CTNNA2: variants seen among roughly 807,000 people sequenced by gnomAD.
CTNNA2 encodes the protein catenin alpha-2.
In CTNNA2, 42 loss-of-function variants were observed where a neutral mutation model predicts 101.0. The observed-to-expected ratio is 0.42, with a 90% confidence interval of 0.32 to 0.54. The LOEUF (loss-of-function observed/expected upper bound fraction) is 0.54, where lower values mean the gene tolerates loss of function less well. CTNNA2 is among the 20% of genes least tolerant of loss of function. CTNNA2 has a pLI of 0.14. For missense variants in CTNNA2, 871 were observed against 1,223.1 expected, an observed-to-expected ratio of 0.71 and a Z score of 4.29; for synonymous variants, 450 against 456.4, an observed-to-expected ratio of 0.99 and a Z score of 0.18.
chr2:79,958,480 AG>A (rs1689398107), intron 7 of CTNNA2, among the ~76,000 whole-genome samples: 1 of 152,138 alleles, frequency 6.6e-6, no homozygotes, highest in African/African-American at 2.4e-5. Flanking sequence ...ATGCCATATG[AG>A]AGCTCAACTT....
At chr2:79,714,060 C>T (rs996103563) in intron 2 of CTNNA2, among the ~76,000 whole-genome samples, 5 of 152,126 alleles carry the variant, frequency 3.3e-5, no homozygotes, top group African/African-American at 1.2e-4. Context: ...TGTCCCTCCA[C>T]CTGGTGCCTT....
chr2:80,450,137 T>C (rs1271988808), intron 9 of CTNNA2, among the ~76,000 whole-genome samples: 1 of 152,224 alleles, frequency 6.6e-6, no homozygotes, highest in Non-Finnish European at 1.5e-5. Context: ...TACAGAACAC[T>C]AGTTCTTAAG....
chr2:80,108,010 A>G (rs376063712), intron 7 of CTNNA2, among the ~76,000 whole-genome samples: 15 of 152,284 alleles, frequency 9.9e-5, no homozygotes, highest in East Asian at 3.9e-4. Context: ...TAGCGGGCCC[A>G]GTGCCTTTCC....
chr2:79,908,139 T>A (rs1685548265), intron 6 of CTNNA2, among the ~76,000 whole-genome samples: 1 of 152,132 alleles, frequency 6.6e-6, no homozygotes, highest in African/African-American at 2.4e-5. Context: ...GCATAAAAAA[T>A]CCATAAAAGC....
intron 3 of CTNNA2, among the ~76,000 whole-genome samples, chr2:79,345,892 G>T (rs1187254726): frequency 1.3e-5 from 2 of 149,746 alleles, no homozygotes; most frequent in East Asian, 3.9e-4. Context: ...ACAGATGGGG[G>T]TCTCACCATT....
intron 7 of CTNNA2, among the ~76,000 whole-genome samples, chr2:80,354,214 CAG>C (rs1673568848): frequency 1.3e-5 from 2 of 151,936 alleles, no homozygotes; most frequent in Admixed American, 1.3e-4. Flanking sequence ...ACAAATAAGA[CAG>C]AAATTAAAAT....
intron 3 of CTNNA2, among the ~76,000 whole-genome samples, chr2:79,790,321 G>A (rs1675172669): frequency 6.6e-6 from 1 of 152,152 alleles, no homozygotes; most frequent in African/African-American, 2.4e-5. Context: ...TAGAGAGAGG[G>A]AGGAGTTGAC....
chr2:79,975,821 A>C (rs914688629), intron 7 of CTNNA2, among the ~76,000 whole-genome samples: 1 of 152,212 alleles, frequency 6.6e-6, no homozygotes, highest in South Asian at 2.1e-4. Flanking sequence ...CAAGGAAGCT[A>C]CACAAGTTCA....
At chr2:80,073,855 T>C (rs1397487205) in intron 7 of CTNNA2, among the ~76,000 whole-genome samples, 5 of 152,130 alleles carry the variant, frequency 3.3e-5, no homozygotes, top group Non-Finnish European at 7.4e-5. Context: ...CATTACAGAT[T>C]CTTCTGAAAC....
intron 7 of CTNNA2, among the ~76,000 whole-genome samples, chr2:80,309,844 G>A (rs1004487710): frequency 1.9e-4 from 27 of 143,420 alleles, no homozygotes; most frequent in African/African-American, 6.0e-4. Context: ...ACAGGCGCCC[G>A]CCACCACACC....
intron 4 of CTNNA2, among the ~76,000 whole-genome samples, chr2:79,381,057 C>G (rs922190730): frequency 2.0e-5 from 3 of 152,064 alleles, no homozygotes; most frequent in African/African-American, 4.8e-5. Context: ...TAGAATTTTT[C>G]GGGGACAGAT....
chr2:80,029,728 T>C (rs576100664), intron 7 of CTNNA2, among the ~76,000 whole-genome samples: 98 of 151,978 alleles, frequency 6.4e-4, no homozygotes, highest in Admixed American at 1.6e-3. Flanking sequence ...ATCTGCATTA[T>C]GTGGTAGAGG....
rs79824419 is a variant in CTNNA2 at position 79,732,109 on chromosome 2, A to G, written c.103-12278A>G. Among the ~76,000 whole-genome samples the G allele has an allele frequency of 2.3e-3, 344 of 152,200 alleles. 3 individuals carry two copies. Among genetic ancestry groups the G allele is most frequent in the African/African-American group, 7.8e-3 (326 of 41,568 alleles). ...ACTAAAGCCATTAACTGACTGTTTGAAATTTCATTCTCAATAATTCTTTTT... is the reference window on the plus strand; with the variant it reads ...ACTAAAGCCATTAACTGACTGTTTGGAATTTCATTCTCAATAATTCTTTTT... On this transcript the variant is annotated intron_variant, in intron 2 of 18. Transcript: ENST00000402739.
In CTNNA2 at chr2:79,242,368, A is replaced by T. The variant is rs144425804; in HGVS notation, c.-406+44292A>T. Among the ~76,000 whole-genome samples, 100 of 152,104 alleles carry T rather than the reference A, an allele frequency of 6.6e-4. 3 individuals carry two copies. In the East Asian group the frequency reaches 0.013, roughly 19 times the overall value. On this transcript the variant is annotated intron_variant, in intron 2 of 21. Transcript: ENST00000466387. ...AAATACTAATTTTTTTGTTTGTTGC[A>T]TCTAATAACTCTTCTTCATGGAGGT...
intron 7 of CTNNA2, among the ~76,000 whole-genome samples, chr2:80,136,499 C>G (rs974787205): frequency 5.3e-5 from 8 of 152,172 alleles, no homozygotes; most frequent in Admixed American, 2.6e-4. Flanking sequence ...TGACCTCTTT[C>G]TTATGCAGTT....
intron 2 of CTNNA2, among the ~76,000 whole-genome samples, chr2:79,208,600 C>T (rs1192851614): frequency 6.6e-6 from 1 of 152,150 alleles, no homozygotes; most frequent in Non-Finnish European, 1.5e-5. Flanking sequence ...GGTGTAATTG[C>T]TCTTCTAAGT....
chr2:80,212,356 G>T (rs1268727968), intron 7 of CTNNA2, among the ~76,000 whole-genome samples: 1 of 152,126 alleles, frequency 6.6e-6, no homozygotes, highest in Non-Finnish European at 1.5e-5. Flanking sequence ...GTGTGGGTTT[G>T]TCATAAACAG....
chr2:80,068,138 C>T (rs796619787), intron 7 of CTNNA2, among the ~76,000 whole-genome samples: 46 of 152,224 alleles, frequency 3.0e-4, no homozygotes, highest in African/African-American at 1.1e-3. Context: ...AGCATAGATG[C>T]GCTGGCAGAT....
chr2:79,366,085 CGTT>C (rs1156473220), intron 3 of CTNNA2, among the ~76,000 whole-genome samples: 1 of 152,152 alleles, frequency 6.6e-6, no homozygotes, highest in African/African-American at 2.4e-5. Context: ...AAAGAAGCCT[CGTT>C]GTTCTCTGCT....
Sources: gnomAD v4.1 joint callset for allele counts (sites outside exome capture counted in the v4.1 genomes callset) on GRCh38, gnomAD v4.1.1 for gene constraint, MANE v1.5 for transcripts, NCBI Gene and HGNC (gene_info 2026-07-23, HGNC 2026-07-21) for gene names.